The following GPC6 variants were observed in gnomAD, a reference collection of about 807,000 sequenced individuals.
GPC6 encodes glypican-6.
A neutral mutation model predicts 55.2 loss-of-function variants in GPC6; 14 were observed. The ratio of observed to expected loss-of-function variants is 0.25; its 90% CI spans 0.17 to 0.40. GPC6 has a LOEUF of 0.40. Among genes scored for constraint, GPC6 ranks in the 10% least tolerant of loss-of-function variants. The probability of loss-of-function intolerance (pLI) is 1.00; values close to 1 mark genes in which losing one functional copy is unlikely to be tolerated. For missense variants in GPC6, 641 were observed against 708.5 expected, an observed-to-expected ratio of 0.90 and a Z score of 1.08; for synonymous variants, 278 against 259.6, an observed-to-expected ratio of 1.07 and a Z score of -0.68.
intron 6 of GPC6, among the ~76,000 whole-genome samples, chr13:94,373,758 A>G (rs1466973810): frequency 6.6e-6 from 1 of 152,174 alleles, no homozygotes; most frequent in Non-Finnish European, 1.5e-5. Flanking sequence ...AAGACACATA[A>G]TTGTCAGATT....
intron 3 of GPC6, among the ~76,000 whole-genome samples, chr13:93,909,310 T>A (rs758277228): frequency 2.6e-5 from 4 of 152,178 alleles, no homozygotes; most frequent in Non-Finnish European, 5.9e-5. Flanking sequence ...AAGCCTATTA[T>A]TGAGTGTTTA....
At position 93,955,755 on chromosome 13, in the gene GPC6, C is replaced by T. The variant is rs74109160; in HGVS notation, c.712-71974C>T. ...CACAATATTATTTCGGGTAGGGTAA[C>T]TGTTTTACTCTTGCAAAGCAATAAA... On this transcript the variant is annotated intron_variant, in intron 3 of 8. Transcript: ENST00000377047. 1.3e-3 allele frequency among the ~76,000 whole-genome samples: 196 copies of T among 152,280 alleles called. 1 individual carries two copies. The highest frequency in any genetic ancestry group is 4.5e-3 in the African/African-American group (187 of 41,572).
intron 6 of GPC6, among the ~76,000 whole-genome samples, chr13:94,341,385 G>A (rs1361187705): frequency 6.6e-6 from 1 of 152,134 alleles, no homozygotes; most frequent in South Asian, 2.1e-4. Flanking sequence ...AGGAGTTTGA[G>A]ACCAGCCTGG....
At chr13:94,196,399 T>C (rs1889578262) in intron 4 of GPC6, among the ~76,000 whole-genome samples, 1 of 152,194 alleles carries the variant, frequency 6.6e-6, no homozygotes, top group Non-Finnish European at 1.5e-5. Flanking sequence ...GAACTTCATG[T>C]TAACTGTCAT....
At chr13:93,725,548 G>A (rs1195753311) in intron 2 of GPC6, among the ~76,000 whole-genome samples, 1 of 151,988 alleles carries the variant, frequency 6.6e-6, no homozygotes, top group East Asian at 1.9e-4. Context: ...CAAAAAAATA[G>A]AGAGAGTAGA....
intron 3 of GPC6, among the ~76,000 whole-genome samples, chr13:93,877,621 C>T (rs1874667275): frequency 6.6e-6 from 1 of 152,016 alleles, no homozygotes; most frequent in Admixed American, 6.6e-5. Flanking sequence ...GTTAAGGAAT[C>T]CAACCCGTTA....
chr13:94,317,830 G>T (rs1355888334), intron 6 of GPC6, among the ~76,000 whole-genome samples: 1 of 152,030 alleles, frequency 6.6e-6, no homozygotes. Context: ...ACAAGGAAGG[G>T]TATAGTGTAT....
intron 2 of GPC6, among the ~76,000 whole-genome samples, chr13:93,561,962 C>G (rs1875837676): frequency 6.6e-6 from 1 of 152,066 alleles, no homozygotes; most frequent in African/African-American, 2.4e-5. Flanking sequence ...AGCTGTTGGT[C>G]CAGATGCTGC....
intron 3 of GPC6, among the ~76,000 whole-genome samples, chr13:93,921,812 G>A (rs1404272859): frequency 6.6e-6 from 1 of 151,816 alleles, no homozygotes; most frequent in Non-Finnish European, 1.5e-5. Context: ...GGCTTGGGGT[G>A]CGAAAACAGG....
chr13:94,272,315 G>A (rs1012331019), intron 4 of GPC6, among the ~76,000 whole-genome samples: 3 of 151,992 alleles, frequency 2.0e-5, no homozygotes. Context: ...GGGCGATTTG[G>A]TTTATTAACT....
chr13:94,300,835 A>G (rs897682001), intron 5 of GPC6, among the ~76,000 whole-genome samples: 2 of 152,218 alleles, frequency 1.3e-5, no homozygotes, highest in Admixed American at 1.3e-4. Flanking sequence ...GATAACCTCT[A>G]AAAACTTCTG....
At chr13:93,621,404 T>TA (rs1878945644) in intron 2 of GPC6, among the ~76,000 whole-genome samples, 1 of 152,144 alleles carries the variant, frequency 6.6e-6, no homozygotes. Context: ...AATAAGACCA[T>TA]AAAAATGGTA....
At chr13:94,096,840 T>C (rs1041992954) in intron 4 of GPC6, among the ~76,000 whole-genome samples, 2 of 152,228 alleles carry the variant, frequency 1.3e-5, no homozygotes, top group Non-Finnish European at 2.9e-5. Flanking sequence ...CTTCTGGTTT[T>C]TTCTCCTACA....
chr13:94,239,152 T>A (rs1266225398), intron 4 of GPC6, among the ~76,000 whole-genome samples: 1 of 152,154 alleles, frequency 6.6e-6, no homozygotes, highest in Non-Finnish European at 1.5e-5. Context: ...CATGCCTAGA[T>A]TCTTCCTCTA....
At chr13:94,241,820 A>T (rs1891061415) in intron 4 of GPC6, among the ~76,000 whole-genome samples, 1 of 152,130 alleles carries the variant, frequency 6.6e-6, no homozygotes, top group Non-Finnish European at 1.5e-5. Context: ...GTGACTTGAA[A>T]TGTTGATCAC....
intron 1 of GPC6, among the ~76,000 whole-genome samples, chr13:93,505,375 T>A (rs1048091832): frequency 1.3e-5 from 2 of 152,092 alleles, no homozygotes; most frequent in Non-Finnish European, 2.9e-5. Flanking sequence ...TTAGCATACA[T>A]CCTTGTTTTA....
intron 1 of GPC6, among the ~76,000 whole-genome samples, chr13:93,313,291 A>T (rs943061647): frequency 1.3e-5 from 2 of 151,446 alleles, no homozygotes; most frequent in Non-Finnish European, 2.9e-5. Context: ...AATGAGGTAA[A>T]TTTTTTTTTT....
chr13:93,226,778 A>G (rs7985891), upstream of GPC6: 5,605 of 152,140 alleles, frequency 0.037, 149 homozygotes, highest in East Asian at 0.078. Context: ...TCGGCTGTGC[A>G]ATGTGTAGCA....
intron 7 of GPC6, among the ~76,000 whole-genome samples, chr13:94,391,240 C>T (rs1177784862): frequency 6.6e-6 from 1 of 152,118 alleles, no homozygotes; most frequent in African/African-American, 2.4e-5. Flanking sequence ...ATTCTGCTAC[C>T]GTCATCCACT....
Sources: allele counts gnomAD v4.1 joint callset (sites outside exome capture counted in the v4.1 genomes callset), GRCh38; gene constraint gnomAD v4.1.1; transcripts MANE v1.5; gene names NCBI Gene and HGNC (gene_info 2026-07-23, HGNC 2026-07-21).